The following WDR72 variants were observed in gnomAD, a reference collection of about 807,000 sequenced individuals.
WDR72 encodes the protein WD repeat-containing protein 72.
WDR72 carries 120 observed loss-of-function variants against 124.2 expected under a neutral mutation model. The observed-to-expected ratio is 0.97, with a 90% confidence interval of 0.83 to 1.12. The LOEUF (loss-of-function observed/expected upper bound fraction) is 1.12, where lower values mean the gene tolerates loss of function less well. Ranked by LOEUF, WDR72 falls within the 50% of genes most tolerant of loss-of-function variation. The pLI is 0.00. For synonymous variants in WDR72, 452 were observed against 441.7 expected (o/e 1.02, Z -0.29); for missense variants, 1,387 against 1,278.8 (o/e 1.08, Z -1.29).
At chr15:53,701,446 C>A (rs1307005071) in intron 12 of WDR72, among the ~76,000 whole-genome samples, 4 of 151,830 alleles carry the variant, frequency 2.6e-5, no homozygotes, top group African/African-American at 9.7e-5. Flanking sequence ...GAGGCTGAGG[C>A]AGGAGGATCC....
intron 18 of WDR72, among the ~76,000 whole-genome samples, chr15:53,553,466 T>C (rs1235961657): frequency 2.0e-5 from 3 of 152,190 alleles, no homozygotes; most frequent in African/African-American, 4.8e-5. Flanking sequence ...GTGATATTTA[T>C]AGAAATATTT....
At chr15:53,747,790 T>C (rs778319512) in intron 1 of WDR72, among the ~76,000 whole-genome samples, 3 of 152,178 alleles carry the variant, frequency 2.0e-5, no homozygotes, top group Non-Finnish European at 4.4e-5. Context: ...GAGCATTAGA[T>C]GTGGTAAGAG....
chr15:53,560,820 C>T (rs1894099441), intron 18 of WDR72, among the ~76,000 whole-genome samples: 1 of 151,676 alleles, frequency 6.6e-6, no homozygotes, highest in Non-Finnish European at 1.5e-5. Context: ...ACACTGCATT[C>T]TTCTCATTAT....
intron 1 of WDR72, among the ~76,000 whole-genome samples, chr15:53,738,658 G>A (rs551714128): frequency 5.9e-5 from 9 of 152,186 alleles, no homozygotes; most frequent in East Asian, 1.9e-4. Flanking sequence ...GTGCAATGGC[G>A]TGATCTCGGC....
At chr15:53,760,021 T>C (rs1302515711), upstream of WDR72, among the ~76,000 whole-genome samples, 6 of 72,854 alleles carry the variant, frequency 8.2e-5, no homozygotes, top group African/African-American at 1.8e-4. Context: ...TCAACCTTTT[T>C]TTTTTTTTTT....
intron 13 of WDR72, among the ~76,000 whole-genome samples, chr15:53,686,801 A>C (rs950659175): frequency 6.6e-6 from 1 of 150,924 alleles, no homozygotes; most frequent in African/African-American, 2.5e-5. Context: ...AATTGACCAC[A>C]TACTTGGAAG....
upstream of WDR72, among the ~76,000 whole-genome samples, chr15:53,759,911 C>T (rs1229815593): frequency 2.0e-5 from 3 of 151,910 alleles, no homozygotes; most frequent in Non-Finnish European, 4.4e-5. Context: ...CTGCGGTTGC[C>T]TGTCCTCTCA....
intron 13 of WDR72, among the ~76,000 whole-genome samples, chr15:53,681,417 G>T (rs2016380349): frequency 6.6e-6 from 1 of 152,160 alleles, no homozygotes; most frequent in Admixed American, 6.5e-5. Flanking sequence ...CAGCCATCCT[G>T]ATGTGTTTCT....
intron 18 of WDR72, among the ~76,000 whole-genome samples, chr15:53,541,322 T>G (rs879204298): frequency 6.6e-6 from 1 of 152,130 alleles, no homozygotes; most frequent in African/African-American, 2.4e-5. Context: ...CCTCCTCAAG[T>G]GGGTCCCTGA....
chr15:53,628,953 A>G (rs2014313469), intron 14 of WDR72, among the ~76,000 whole-genome samples: 1 of 152,194 alleles, frequency 6.6e-6, no homozygotes, highest in Admixed American at 6.5e-5. Flanking sequence ...CTATAAGCAG[A>G]TAATAAGGCT....
intron 14 of WDR72, among the ~76,000 whole-genome samples, chr15:53,651,781 T>C (rs1038826141): frequency 6.6e-6 from 1 of 152,008 alleles, no homozygotes; most frequent in Admixed American, 6.6e-5. Context: ...GCCTCCCGAG[T>C]AGCTGGGACT....
intron 19 of WDR72, among the ~76,000 whole-genome samples, chr15:53,520,052 T>C (rs2140202101): frequency 6.6e-6 from 1 of 152,220 alleles, no homozygotes; most frequent in African/African-American, 2.4e-5. Context: ...CTTCACTTTT[T>C]CCAAAAACTT....
chr15:53,702,733 T>A (rs1264504775), intron 11 of WDR72, among the ~76,000 whole-genome samples: 1 of 152,056 alleles, frequency 6.6e-6, no homozygotes, highest in East Asian at 1.9e-4. Flanking sequence ...ATTAGCTAGG[T>A]GTGGTAGCTC....
intron 18 of WDR72, among the ~76,000 whole-genome samples, chr15:53,559,637 G>A (rs1230082409): frequency 6.6e-6 from 1 of 152,022 alleles, no homozygotes; most frequent in African/African-American, 2.4e-5. Flanking sequence ...TTACACAGGA[G>A]GACAAAACCA....
At chr15:53,531,733 A>T (rs1012341196) in intron 18 of WDR72, among the ~76,000 whole-genome samples, 1 of 151,838 alleles carries the variant, frequency 6.6e-6, no homozygotes, top group Non-Finnish European at 1.5e-5. Flanking sequence ...GCTAGGTTCC[A>T]TACAAAAGAG....
chr15:53,672,705 C>G (rs1214581963), intron 13 of WDR72, among the ~76,000 whole-genome samples: 2 of 152,164 alleles, frequency 1.3e-5, no homozygotes, highest in Non-Finnish European at 2.9e-5. Flanking sequence ...AAACATCTAC[C>G]TAAAGAAGGA....
intron 13 of WDR72, among the ~76,000 whole-genome samples, chr15:53,682,614 AC>A (rs2016434592): frequency 6.6e-6 from 1 of 152,028 alleles, no homozygotes; most frequent in Non-Finnish European, 1.5e-5. Flanking sequence ...TCCACCAGAT[AC>A]CCTAAATCAT....
rs374418973 is a variant in WDR72, at chr15:53,670,176, T to C, written c.1766-4408A>G. ...TTGTATTTTTCTATTATTTATTTAA[T>C]ATGAATTTTTATATAATTTGTTTTA... On this transcript the variant is annotated intron_variant, in intron 13 of 19. Transcript: ENST00000360509. Among the ~76,000 whole-genome samples the C allele has an allele frequency of 1.6e-4, 24 of 152,250 alleles. No homozygotes were observed. In the East Asian group the frequency reaches 2.9e-3, roughly 18 times the overall value.
chr15:53,555,543 G>A (rs999109116), intron 18 of WDR72, among the ~76,000 whole-genome samples: 13 of 151,772 alleles, frequency 8.6e-5, no homozygotes, highest in East Asian at 3.9e-4. Context: ...TTTATCTCTC[G>A]TCCTTCATGT....
Sources: gnomAD v4.1 joint callset for allele counts (sites outside exome capture counted in the v4.1 genomes callset) on GRCh38, gnomAD v4.1.1 for gene constraint, MANE v1.5 for transcripts, NCBI Gene and HGNC (gene_info 2026-07-23, HGNC 2026-07-21) for gene names.